The following ANLN variants were observed in gnomAD, a reference collection of about 807,000 sequenced individuals.
ANLN encodes anillin.
In ANLN, 59 loss-of-function variants were observed where a neutral mutation model predicts 135.1. The observed-to-expected ratio is 0.44, with a 90% confidence interval of 0.35 to 0.54. The LOEUF (loss-of-function observed/expected upper bound fraction) is 0.54, where lower values mean the gene tolerates loss of function less well. Among genes scored for constraint, ANLN ranks in the 20% least tolerant of loss-of-function variants. The probability of loss-of-function intolerance (pLI) is 0.00; values close to 1 mark genes in which losing one functional copy is unlikely to be tolerated. For missense variants in ANLN, 1,182 were observed against 1,340.0 expected (o/e 0.88, Z 1.84); for synonymous variants, 406 against 456.4 (o/e 0.89, Z 1.41).
At chr7:36,403,263 C>T (rs1310974018) in intron 3 of ANLN, among the ~76,000 whole-genome samples, 4 of 152,066 alleles carry the variant, frequency 2.6e-5, no homozygotes, top group African/African-American at 9.7e-5. Context: ...AGGAAGAGGT[C>T]AGATTCCTGG....
chr7:36,422,122 G>C, intron 13 of ANLN, 130 bp downstream of exon 13: 1 of 1,131,390 alleles, frequency 8.8e-7, no homozygotes, highest in Non-Finnish European at 1.2e-6. Context: ...TCTATTTTTT[G>C]TTCTTGTTTT....
intron 22 of ANLN, among the ~76,000 whole-genome samples, 166 bp downstream of exon 22, chr7:36,444,028 G>A (rs1408575390): frequency 1.3e-5 from 2 of 152,270 alleles, no homozygotes; most frequent in African/African-American, 2.4e-5. Context: ...AGTGGCTTAC[G>A]CCTATAATCC....
intron 14 of ANLN, among the ~76,000 whole-genome samples, chr7:36,423,410 A>G (rs983419191): frequency 1.3e-5 from 2 of 152,074 alleles, no homozygotes; most frequent in Admixed American, 6.5e-5. Context: ...GAAATAGTTT[A>G]TGTTTTTATT....
intron 22 of ANLN, among the ~76,000 whole-genome samples, chr7:36,444,356 T>G (rs1011866820): frequency 6.6e-6 from 1 of 152,108 alleles, no homozygotes; most frequent in Non-Finnish European, 1.5e-5. Context: ...TTTAAAATTT[T>G]TATATCCTAT....
intron 22 of ANLN, 27 bp from the exon 23 acceptor site, chr7:36,449,638 C>T: frequency 6.4e-7 from 1 of 1,571,664 alleles, no homozygotes; most frequent in Non-Finnish European, 8.7e-7. Flanking sequence ...TTATTTTCTA[C>T]TAATTTCTCT....
At chr7:36,418,545 T>C (rs1396321104) in intron 9 of ANLN, among the ~76,000 whole-genome samples, 1 of 152,192 alleles carries the variant, frequency 6.6e-6, no homozygotes, top group Admixed American at 6.5e-5. Flanking sequence ...AACCCTGCCC[T>C]AAGTGACATT....
intron 1 of ANLN, among the ~76,000 whole-genome samples, chr7:36,390,974 C>T (rs1403683903): frequency 6.6e-6 from 1 of 152,200 alleles, no homozygotes; most frequent in Admixed American, 6.5e-5. Context: ...ACTGTTTACA[C>T]TGATTCAAAA....
At chr7:36,443,883 T>TC in intron 22 of ANLN, 21 bp downstream of exon 22, 1 of 1,529,902 alleles carries the variant, frequency 6.5e-7, no homozygotes, top group South Asian at 1.2e-5. Context: ...TAGTACTGTT[T>TC]AGTGGTGAAA....
chr7:36,446,775 G>T (rs973496232), intron 22 of ANLN, among the ~76,000 whole-genome samples: 11 of 152,128 alleles, frequency 7.2e-5, no homozygotes, highest in African/African-American at 2.2e-4. Context: ...TATCAAAACT[G>T]TATCATTCAC....
chr7:36,420,168 G>A lies in ANLN; in HGVS notation c.1870-1G>A. 1 of 1,612,828 alleles carries A rather than the reference G, an allele frequency of 6.2e-7. No homozygotes were observed. Among genetic ancestry groups the A allele is most frequent in the Non-Finnish European group, 8.5e-7 (1 of 1,179,352 alleles). ...TTAATATCTGATGCGTTTTCCCACA[G>A]AGTTTAGTGTCCACACCTAGACTGG... On this transcript the variant is annotated splice_acceptor_variant, in intron 10 of 23. Transcript: ENST00000265748. LOFTEE classifies it high-confidence loss of function.
At chr7:36,410,266 C>T (rs1787354624) in intron 5 of ANLN, among the ~76,000 whole-genome samples, 1 of 151,498 alleles carries the variant, frequency 6.6e-6, no homozygotes, top group African/African-American at 2.4e-5. Flanking sequence ...TCTCCTCATT[C>T]TACCTTTTCA....
chr7:36,443,609 A>G, intron 21 of ANLN, 146 bp from the exon 22 acceptor site: 1 of 583,310 alleles, frequency 1.7e-6, no homozygotes, highest in Non-Finnish European at 3.1e-6. Context: ...TATTATTAAG[A>G]TAAAAGACAT....
intron 12 of ANLN, among the ~76,000 whole-genome samples, 197 bp downstream of exon 12, chr7:36,420,941 C>T (rs1161678780): frequency 6.6e-6 from 1 of 152,122 alleles, no homozygotes; most frequent in East Asian, 1.9e-4. Flanking sequence ...CTTGGAAACT[C>T]ATTTGATATT....
intron 23 of ANLN, among the ~76,000 whole-genome samples, chr7:36,450,314 C>A (rs999239009): frequency 1.4e-4 from 22 of 152,306 alleles, no homozygotes; most frequent in African/African-American, 4.8e-4. Flanking sequence ...TAACCCTGAT[C>A]TCAAGTGTAA....
chr7:36,396,130 T>A, intron 1 of ANLN, 136 bp from the exon 2 acceptor site: 1 of 593,774 alleles, frequency 1.7e-6, no homozygotes, highest in Non-Finnish European at 2.6e-6. Flanking sequence ...AATCTTGACA[T>A]AATTGCTTAG....
chr7:36,403,501 C>T (rs1260514594), intron 3 of ANLN: 1 of 152,170 alleles, frequency 6.6e-6, no homozygotes, highest in Non-Finnish European at 1.5e-5. Flanking sequence ...ACAAAGCCTG[C>T]AAAGTGTGTA....
rs142821067 is a variant in ANLN at position 36,410,633 on chromosome 7, G to C, written c.1216G>C (p.Ala406Pro). 267 of 1,614,014 alleles carry C rather than the reference G, an allele frequency of 1.7e-4. 1 individual carries two copies. Among genetic ancestry groups the C allele is most frequent in the South Asian group, 1.2e-3 (107 of 91,076 alleles). Reference protein sequence around the residue: ...RTPIITPNTKAIQERLFKQDT... With the variant: ...RTPIITPNTKPIQERLFKQDT... ...CCCCATTATTACTCCAAATACAAAG[G>C]CCATCCAAGAAAGATTATTCAAGCA... The change falls in exon 6 of 24, where the codon GCC becomes CCC. Residue 406 changes from alanine (A) to proline (P), a missense_variant. By Grantham distance (27) the Ala-to-Pro change is conservative. This residue lies in a region of ANLN where 1,022 missense variants were observed against 1,134.0 expected (regional missense o/e 0.90). Coordinates refer to ENST00000265748, the MANE Select transcript of ANLN (RefSeq NM_018685.5).
chr7:36,393,764 G>A (rs941769535), intron 1 of ANLN, among the ~76,000 whole-genome samples: 1 of 152,218 alleles, frequency 6.6e-6, no homozygotes, highest in Admixed American at 6.5e-5. Context: ...AGCTGTAGCT[G>A]TAGCTTGTGG....
At chr7:36,410,995 G>A (rs765995827) in intron 6 of ANLN, 64 bp from the exon 7 acceptor site, 48 of 1,426,218 alleles carry the variant, frequency 3.4e-5, no homozygotes, top group Non-Finnish European at 4.5e-5. Flanking sequence ...GAAAATTTTA[G>A]TAGTGTTTGG....
Sources: allele counts gnomAD v4.1 joint callset (sites outside exome capture counted in the v4.1 genomes callset), GRCh38; gene constraint gnomAD v4.1.1; regional missense constraint gnomAD v4.1.1; transcripts MANE v1.5; gene names NCBI Gene and HGNC (gene_info 2026-07-23, HGNC 2026-07-21).